Variants in NF1 observed in about 807,000 individuals in gnomAD.
NF1 encodes the protein neurofibromin 1, also known as neurofibromin.
In NF1, 122 loss-of-function variants were observed where a neutral mutation model predicts 325.7. The observed-to-expected ratio is 0.37, with a 90% CI of 0.32 to 0.44. NF1 has a LOEUF of 0.44. Among genes scored for constraint, NF1 ranks in the 20% least tolerant of loss-of-function variants. The probability of loss-of-function intolerance (pLI) is 1.00; values close to 1 mark genes in which losing one functional copy is unlikely to be tolerated. For synonymous variants in NF1, 1,091 were observed against 1,186.0 expected (o/e 0.92, Z 1.65); for missense variants, 2,140 against 3,415.4 (o/e 0.63, Z 9.31).
intron 35 of NF1, among the ~76,000 whole-genome samples, chr17:31,263,316 T>G (rs1418479134): frequency 6.6e-6 from 1 of 152,070 alleles, no homozygotes; most frequent in Non-Finnish European, 1.5e-5. Flanking sequence ...GGTACGCACC[T>G]GTGGTCCCAG....
At chr17:31,200,311 G>A (rs567112042) in intron 8 of NF1, 111 bp from the exon 9 acceptor site, 3 of 878,162 alleles carry the variant, frequency 3.4e-6, no homozygotes, top group African/African-American at 3.4e-5. Flanking sequence ...TATAAATTAT[G>A]CATTCTTTAT....
chr17:31,225,867 ATTTGCAT>A (rs1338375233), intron 17 of NF1, among the ~76,000 whole-genome samples: 1 of 152,184 alleles, frequency 6.6e-6, no homozygotes, highest in African/African-American at 2.4e-5. Context: ...TACTTGTAGA[ATTTGCAT>A]TTATTTTATC....
At chr17:31,165,734 G>C (rs938851075) in intron 4 of NF1, among the ~76,000 whole-genome samples, 2 of 152,140 alleles carry the variant, frequency 1.3e-5, no homozygotes, top group African/African-American at 4.8e-5. Flanking sequence ...CTGTCACCTA[G>C]TCTGGAGTGC....
intron 1 of NF1, among the ~76,000 whole-genome samples, chr17:31,135,662 G>A (rs999508509): frequency 6.6e-6 from 1 of 152,064 alleles, no homozygotes; most frequent in Non-Finnish European, 1.5e-5. Flanking sequence ...TGTCTCCTGG[G>A]CTCAAGTGAT....
intron 36 of NF1, among the ~76,000 whole-genome samples, chr17:31,294,173 C>G (rs2151497536): frequency 6.6e-6 from 1 of 152,226 alleles, no homozygotes; most frequent in East Asian, 1.9e-4. Context: ...ATTTTCTTCT[C>G]CTTCATGTAG....
At chr17:31,261,897 G>T (rs768486850) in intron 35 of NF1, 40 bp downstream of exon 35, 2 of 1,609,006 alleles carry the variant, frequency 1.2e-6, no homozygotes, top group South Asian at 1.1e-5. Flanking sequence ...CTTTCTTTTT[G>T]GTTGAGAAGG....
chr17:31,302,481 G>A (rs113692076), intron 36 of NF1, among the ~76,000 whole-genome samples: 7 of 152,064 alleles, frequency 4.6e-5, no homozygotes, highest in South Asian at 4.1e-4. Context: ...ACAAAAATTC[G>A]TAAAATTAAA....
At chr17:31,275,866 A>G (rs539166831) in intron 36 of NF1, among the ~76,000 whole-genome samples, 5 of 152,190 alleles carry the variant, frequency 3.3e-5, no homozygotes, top group African/African-American at 7.2e-5. Context: ...TATTCCTTCT[A>G]TTCCCTCTAG....
chr17:31,369,139 CA>C (rs1480942484), intron 57 of NF1, among the ~76,000 whole-genome samples: 1 of 151,996 alleles, frequency 6.6e-6, no homozygotes, highest in East Asian at 1.9e-4. Flanking sequence ...TTTGGGAAAC[CA>C]AAAGTGTTTT....
chr17:31,103,119 G>A (rs900741749), intron 1 of NF1, among the ~76,000 whole-genome samples: 5 of 151,168 alleles, frequency 3.3e-5, no homozygotes, highest in Admixed American at 2.0e-4. Context: ...GGGATTATAG[G>A]CATAAGCTGT....
chr17:31,341,617 G>GTGTGTGTA (rs35130430), intron 47 of NF1, among the ~76,000 whole-genome samples: 33,035 of 148,074 alleles, frequency 0.22, 3,822 homozygotes, highest in East Asian at 0.42. Context: ...GTGTGTGTGT[G>GTGTGTGTA]TGTACACACA....
intron 1 of NF1, among the ~76,000 whole-genome samples, chr17:31,120,631 T>C (rs1469676411): frequency 6.6e-6 from 1 of 152,110 alleles, no homozygotes; most frequent in Non-Finnish European, 1.5e-5. Context: ...GGCCAGAACT[T>C]CCAATACTAT....
intron 1 of NF1, among the ~76,000 whole-genome samples, chr17:31,154,741 T>C (rs926681842): frequency 1.4e-5 from 2 of 146,602 alleles, no homozygotes; most frequent in East Asian, 2.0e-4. Context: ...CCTTTTTTTT[T>C]TTTTTTTTTT....
rs2151427395 is a variant in NF1 at position 31,227,509 on chromosome 17, T to C, written c.2326-14T>C. ...GACTAAGTTGCTTTCAAGTGATAAT[T>C]GCCTTCATTTTAGGCTTGGGAAGAT... On this transcript the variant is annotated splice_polypyrimidine_tract_variant and intron_variant, in intron 19 of 57. Transcript: ENST00000358273. 1 of 1,613,480 alleles carries C rather than the reference T, an allele frequency of 6.2e-7. No individual in the cohort carries two copies. Among genetic ancestry groups the C allele is most frequent in the South Asian group, 1.1e-5 (1 of 91,060 alleles).
Position 31,181,406 on chromosome 17 carries a change from AT to A in NF1, c.587-14del, listed in dbSNP as rs1415905698. On this transcript the variant is annotated splice_polypyrimidine_tract_variant and intron_variant, in intron 5 of 57. Coordinates refer to ENST00000358273, the MANE Select transcript of NF1 (RefSeq NM_001042492.3). ...CTTATTCTAGAGTTAATTTTTAAAA[AT>A]TGTGTTTTTTCCAGAAACAGCATTT... 2 of 1,611,044 alleles carry A rather than the reference AT, an allele frequency of 1.2e-6. No individual in the cohort carries two copies. Among genetic ancestry groups the A allele is most frequent in the Non-Finnish European group, 1.7e-6 (2 of 1,177,952 alleles).
At chr17:31,371,781 A>G (rs2070645591) in intron 57 of NF1, among the ~76,000 whole-genome samples, 1 of 152,228 alleles carries the variant, frequency 6.6e-6, no homozygotes, top group Admixed American at 6.5e-5. Context: ...TTGCACTCAT[A>G]TGCCTGATGC....
At chr17:31,233,660 A>C (rs2018634) in intron 27 of NF1, among the ~76,000 whole-genome samples, 71,082 of 152,008 alleles carry the variant, frequency 0.47, 20,487 homozygotes, top group African/African-American at 0.81. Flanking sequence ...TTATTTTAAA[A>C]ACTGAAAGCG....
intron 1 of NF1, chr17:31,137,382 G>A (rs1223594460): frequency 1.3e-5 from 2 of 152,128 alleles, no homozygotes; most frequent in Admixed American, 6.6e-5. Flanking sequence ...ACAACTTTTT[G>A]TGTCTCCTAA....
chr17:31,267,745 C>T (rs141751493), intron 36 of NF1, among the ~76,000 whole-genome samples: 181 of 152,188 alleles, frequency 1.2e-3, no homozygotes, highest in African/African-American at 4.1e-3. Flanking sequence ...TTGAAATGTC[C>T]AAAACTTAAT....
Sources: allele counts gnomAD v4.1 joint callset (sites outside exome capture counted in the v4.1 genomes callset), GRCh38; gene constraint gnomAD v4.1.1; transcripts MANE v1.5; gene names NCBI Gene and HGNC (gene_info 2026-07-23, HGNC 2026-07-21).